Variants in ANO10 observed in about 807,000 individuals in gnomAD.
The protein encoded by ANO10 is anoctamin-10.
A neutral mutation model predicts 74.7 loss-of-function variants in ANO10; 77 were observed. The observed-to-expected ratio is 1.03, with a 90% CI of 0.86 to 1.25. The LOEUF (loss-of-function observed/expected upper bound fraction) is 1.25, where lower values mean the gene tolerates loss of function less well. ANO10 is among the 50% of genes most tolerant of loss of function. ANO10 has a pLI of 0.00. For missense variants in ANO10, 721 were observed against 778.1 expected, an observed-to-expected ratio of 0.93 and a Z score of 0.87; for synonymous variants, 279 against 284.9, an observed-to-expected ratio of 0.98 and a Z score of 0.21.
intron 12 of ANO10, among the ~76,000 whole-genome samples, chr3:43,385,758 T>TG (rs1409574540): frequency 5.3e-3 from 356 of 67,204 alleles, no homozygotes; most frequent in African/African-American, 0.018. Flanking sequence ...GGGGAAAGGA[T>TG]GGGGGGGAAG....
chr3:43,428,817 A>AAAAAAAAAAAAAAAAC (rs2092938339), intron 12 of ANO10, among the ~76,000 whole-genome samples: 2 of 150,914 alleles, frequency 1.3e-5, no homozygotes, highest in Non-Finnish European at 1.5e-5. Flanking sequence ...AAAAAAAAAA[A>AAAAAAAAAAAAAAAAC]AGTCATTGAA....
intron 11 of ANO10, among the ~76,000 whole-genome samples, chr3:43,453,696 G>T (rs2074989989): frequency 6.6e-6 from 1 of 152,186 alleles, no homozygotes; most frequent in African/African-American, 2.4e-5. Flanking sequence ...AGTTGTCCCA[G>T]CACCATGTGC....
intron 11 of ANO10, among the ~76,000 whole-genome samples, chr3:43,546,225 T>C (rs542945166): frequency 2.0e-5 from 3 of 152,326 alleles, no homozygotes; most frequent in African/African-American, 7.2e-5. Flanking sequence ...GTTAACATTT[T>C]AAAATATCAT....
intron 1 of ANO10, among the ~76,000 whole-genome samples, chr3:43,685,085 G>A (rs2084258157): frequency 6.6e-6 from 1 of 152,006 alleles, no homozygotes; most frequent in South Asian, 2.1e-4. Context: ...GTATAATAAA[G>A]AGAAAAAAAA....
chr3:43,560,213 C>T (rs1433792209), intron 9 of ANO10, among the ~76,000 whole-genome samples: 2 of 152,204 alleles, frequency 1.3e-5, no homozygotes, highest in African/African-American at 4.8e-5. Flanking sequence ...CCTACTGGCT[C>T]TGTGACCAGA....
intron 10 of ANO10, among the ~76,000 whole-genome samples, chr3:43,553,396 T>C (rs2079576668): frequency 6.6e-6 from 1 of 152,174 alleles, no homozygotes; most frequent in Non-Finnish European, 1.5e-5. Context: ...AAGTACTTTT[T>C]GGGCCCCTCC....
chr3:43,449,515 CTTTTTTTT>C (rs61265406), intron 11 of ANO10, among the ~76,000 whole-genome samples: 1 of 107,124 alleles, frequency 9.3e-6, no homozygotes, highest in African/African-American at 3.6e-5. Flanking sequence ...TATCTAGATT[CTTTTTTTT>C]TTTTTTTTTT....
At chr3:43,460,127 T>C (rs142174845) in intron 11 of ANO10, among the ~76,000 whole-genome samples, 1 of 152,264 alleles carries the variant, frequency 6.6e-6, no homozygotes, top group East Asian at 1.9e-4. Flanking sequence ...GAAAAGTCTG[T>C]AAATTTCTGG....
chr3:43,613,468 G>A (rs1278276262), intron 1 of ANO10, among the ~76,000 whole-genome samples: 1 of 152,160 alleles, frequency 6.6e-6, no homozygotes, highest in African/African-American at 2.4e-5. Flanking sequence ...AGAGCAGAGG[G>A]GCTACATTTT....
At chr3:43,560,717 A>G (rs1378400113) in intron 9 of ANO10, among the ~76,000 whole-genome samples, 1 of 152,214 alleles carries the variant, frequency 6.6e-6, no homozygotes. Context: ...TGTAGTTCCT[A>G]AAAGTAATTC....
At chr3:43,635,218 A>G (rs1414958476) in intron 1 of ANO10, among the ~76,000 whole-genome samples, 1 of 152,218 alleles carries the variant, frequency 6.6e-6, no homozygotes, top group Non-Finnish European at 1.5e-5. Context: ...CAGCCTACAC[A>G]TCATTTAGGA....
In ANO10 at chr3:43,592,440, A is replaced by G. The variant is rs947593893; in HGVS notation, c.472+6092T>C. 1.3e-5 allele frequency among the ~76,000 whole-genome samples: 2 copies of G among 152,222 alleles called. 1 individual carries two copies. Among genetic ancestry groups the G allele is most frequent in the East Asian group, 3.9e-4 (2 of 5,188 alleles). On this transcript the variant is annotated intron_variant, in intron 4 of 12. Transcript: ENST00000292246. ...CAGGCTGCAACATTTGCCATTCTGC[A>G]ATATTTGCAGTTCTGCAGCCTCCGC... is the stretch of plus-strand genomic sequence containing the variant.
chr3:43,411,017 G>A (rs2092656085), intron 12 of ANO10, among the ~76,000 whole-genome samples: 1 of 152,068 alleles, frequency 6.6e-6, no homozygotes, highest in South Asian at 2.1e-4. Context: ...TTCCGTAATA[G>A]CAGAATGATA....
chr3:43,650,763 G>T (rs2083778417), intron 1 of ANO10, among the ~76,000 whole-genome samples: 1 of 152,066 alleles, frequency 6.6e-6, no homozygotes, highest in Non-Finnish European at 1.5e-5. Context: ...TTCTGTTTGT[G>T]TTCATTCAAC....
At chr3:43,404,672 A>G (rs2092542550) in intron 12 of ANO10, among the ~76,000 whole-genome samples, 1 of 152,122 alleles carries the variant, frequency 6.6e-6, no homozygotes, top group Non-Finnish European at 1.5e-5. Context: ...GCTTGAGCCC[A>G]GGAGTTTGAG....
rs562193511 is a variant in ANO10 at position 43,665,229 on chromosome 3, A to G, written c.-12+26288T>C. On this transcript the variant is annotated intron_variant, in intron 1 of 3. Transcript: ENST00000413397. ...GATGAGTTCATGTCTTTGCAGGGACATGGATGAAGCTGGAAACCATCATTC... is the reference window on the plus strand; with the variant it reads ...GATGAGTTCATGTCTTTGCAGGGACGTGGATGAAGCTGGAAACCATCATTC... Among the ~76,000 whole-genome samples, 3 of 152,314 alleles carry G rather than the reference A, an allele frequency of 2.0e-5. No homozygotes were observed. The East Asian group carries it at 5.8e-4, about 29-fold the overall frequency.
intron 1 of ANO10, among the ~76,000 whole-genome samples, chr3:43,640,018 G>A (rs2083655832): frequency 6.6e-6 from 1 of 152,106 alleles, no homozygotes; most frequent in African/African-American, 2.4e-5. Context: ...ATGTTAGGGT[G>A]AAAGTGGGGT....
chr3:43,448,941 G>A (rs9875060), intron 11 of ANO10, among the ~76,000 whole-genome samples: 4,051 of 148,412 alleles, frequency 0.027, 75 homozygotes, highest in South Asian at 0.13. Flanking sequence ...GTGCGATCTC[G>A]GCTCATTGCA....
intron 11 of ANO10, among the ~76,000 whole-genome samples, chr3:43,548,725 A>C (rs1178885778): frequency 6.6e-6 from 1 of 152,224 alleles, no homozygotes; most frequent in East Asian, 1.9e-4. Context: ...TAAAATATCT[A>C]AAAATGAAAG....
Sources: gnomAD v4.1 joint callset for allele counts (sites outside exome capture counted in the v4.1 genomes callset) on GRCh38, gnomAD v4.1.1 for gene constraint, MANE v1.5 for transcripts, NCBI Gene and HGNC (gene_info 2026-07-23, HGNC 2026-07-21) for gene names.